DOCK3: variants seen among roughly 807,000 people sequenced by gnomAD.
The protein encoded by DOCK3 is dedicator of cytokinesis 3, also known as dedicator of cytokinesis protein 3.
In DOCK3, 60 loss-of-function variants were observed where a neutral mutation model predicts 265.6. The ratio of observed to expected loss-of-function variants is 0.23; its 90% CI spans 0.18 to 0.28. The LOEUF (loss-of-function observed/expected upper bound fraction) is 0.28. Ranked by LOEUF, DOCK3 falls within the 10% of genes least tolerant of loss-of-function variation. The pLI is 1.00. For missense variants in DOCK3, 1,981 were observed against 2,594.3 expected, an observed-to-expected ratio of 0.76 and a Z score of 5.14; for synonymous variants, 881 against 938.0, an observed-to-expected ratio of 0.94 and a Z score of 1.11.
At chr3:50,790,268 G>C (rs2042398925) in intron 2 of DOCK3, among the ~76,000 whole-genome samples, 1 of 152,084 alleles carries the variant, frequency 6.6e-6, no homozygotes, top group Non-Finnish European at 1.5e-5. Flanking sequence ...CTGCCATTCT[G>C]TATCTTTTAA....
In DOCK3 at chr3:51,090,323, AT is replaced by A. The variant is rs868458081; in HGVS notation, c.687del (p.Ile229MetfsTer14). 1 of 1,604,664 alleles carries A rather than the reference AT, an allele frequency of 6.2e-7. No individual in the cohort carries two copies. Among genetic ancestry groups the A allele is most frequent in the African/African-American group, 1.3e-5 (1 of 74,852 alleles). ...CCTGAAGAGTTTCACTTACAATACT[AT>A]TGGGGAAGATACCGATGTCTTCTTT... ...LSLKSFTYNTIGEDTDVFFSL... is the reference protein window; with the variant it reads ...LSLKSFTYNTXGEDTDVFFSL... On this transcript the variant is annotated frameshift_variant, in exon 9 of 53. Transcript: ENST00000266037. LOFTEE classifies it high-confidence loss of function.
In DOCK3 at chr3:51,374,534, C is replaced by T. The variant is rs778887520; in HGVS notation, c.5359C>T (p.Arg1787Trp). ...AATGATGTTGTTGCTGCCCACATAC[C>T]GGGACCGCCCAAGCAGTGCCATGTA... ...REMMLLLPTYRDRPSSAMYPA... is the reference protein window; with the variant it reads ...REMMLLLPTYWDRPSSAMYPA... Residue 1787 changes from arginine to tryptophan, a missense_variant, in exon 50 of 53, where the codon CGG becomes TGG. Arg to Trp is a moderately radical substitution (Grantham distance 101). Around this residue, in one of 4 missense-constraint regions of DOCK3, gnomAD observed 1,357 missense variants for 1,866.8 expected, o/e 0.73. Transcript: ENST00000266037. This position sits in a 1 kb window ranked among gnomAD's most constrained non-coding sequence, Gnocchi z 4.8. 6 of 1,613,722 alleles carry T rather than the reference C, an allele frequency of 3.7e-6. No individual in the cohort carries two copies. Among genetic ancestry groups the T allele is most frequent in the Admixed American group, 3.3e-5 (2 of 59,994 alleles).
chr3:51,130,617 G>T (rs1197839107), intron 9 of DOCK3, among the ~76,000 whole-genome samples: 1 of 152,192 alleles, frequency 6.6e-6, no homozygotes, highest in African/African-American at 2.4e-5. Flanking sequence ...GGATGTGATG[G>T]GAATCACCAC....
At chr3:51,019,694 C>T (rs1013630791) in intron 5 of DOCK3, among the ~76,000 whole-genome samples, 4 of 144,630 alleles carry the variant, frequency 2.8e-5, no homozygotes, top group Non-Finnish European at 6.0e-5. Flanking sequence ...ATGTTCTCAT[C>T]ATTCAGCTCC....
At chr3:51,267,989 T>C (rs1449710227) in intron 23 of DOCK3, among the ~76,000 whole-genome samples, 1 of 151,692 alleles carries the variant, frequency 6.6e-6, no homozygotes, top group African/African-American at 2.4e-5. Flanking sequence ...CTGGGCCTGT[T>C]GGGGGTCGGG....
intron 5 of DOCK3, among the ~76,000 whole-genome samples, chr3:51,044,795 T>A (rs542623656): frequency 1.8e-4 from 28 of 152,266 alleles, no homozygotes; most frequent in African/African-American, 6.0e-4. Context: ...ACCATCTTTC[T>A]TTAAACCTCA....
At chr3:51,271,048 G>C in intron 24 of DOCK3, 41 bp downstream of exon 24, 1 of 1,577,188 alleles carries the variant, frequency 6.3e-7, no homozygotes, top group Non-Finnish European at 8.6e-7. Flanking sequence ...CCTTCCAGGG[G>C]TGTCCTCCTT....
rs1026920732 is a variant in DOCK3 at position 51,104,535 on chromosome 3, T to A, written c.746+14151T>A. ...CTTAATATAATAATATCAGGAGAGATTGGGTTTGGACCAGTGGCAGCAGTA... is the reference window on the plus strand; with the variant it reads ...CTTAATATAATAATATCAGGAGAGAATGGGTTTGGACCAGTGGCAGCAGTA... On this transcript the variant is annotated intron_variant, in intron 9 of 52. Transcript: ENST00000266037. Among the ~76,000 whole-genome samples the A allele has an allele frequency of 1.4e-4, 22 of 152,096 alleles. 1 individual carries two copies. Among genetic ancestry groups the A allele is most frequent in the African/African-American group, 4.8e-4 (20 of 41,398 alleles).
intron 49 of DOCK3, 61 bp downstream of exon 49, chr3:51,362,735 G>A (rs1035306340): frequency 6.7e-5 from 105 of 1,574,270 alleles, no homozygotes; most frequent in Middle Eastern, 3.3e-4. Flanking sequence ...AACGCCACTC[G>A]GCTTCCTCTC....
chr3:51,239,584 T>C (rs1267469191), intron 21 of DOCK3, among the ~76,000 whole-genome samples: 1 of 151,228 alleles, frequency 6.6e-6, no homozygotes, highest in Admixed American at 6.6e-5. Context: ...GTTTTTTGTT[T>C]TTTTTGTTTT....
At chr3:51,265,414 C>T (rs1027550950) in intron 23 of DOCK3, among the ~76,000 whole-genome samples, 3 of 152,148 alleles carry the variant, frequency 2.0e-5, no homozygotes, top group Non-Finnish European at 2.9e-5. Flanking sequence ...AAATTTCAGG[C>T]CACTATCCCT....
chr3:50,954,200 A>C (rs1227750172), intron 5 of DOCK3, among the ~76,000 whole-genome samples: 1 of 152,154 alleles, frequency 6.6e-6, no homozygotes, highest in Non-Finnish European at 1.5e-5. Flanking sequence ...GAGTAGAACC[A>C]TATGGTCCTG....
At chr3:51,161,546 C>T (rs1358431951) in intron 12 of DOCK3, among the ~76,000 whole-genome samples, 2 of 152,164 alleles carry the variant, frequency 1.3e-5, no homozygotes, top group African/African-American at 4.8e-5. Flanking sequence ...ATAAGCTTCC[C>T]AGGTAATTCT....
chr3:50,853,582 T>G (rs1294600164), intron 3 of DOCK3, among the ~76,000 whole-genome samples: 1 of 152,096 alleles, frequency 6.6e-6, no homozygotes, highest in African/African-American at 2.4e-5. Flanking sequence ...TCTGTTTCTG[T>G]GTTATTTCAT....
intron 5 of DOCK3, among the ~76,000 whole-genome samples, chr3:50,976,298 C>A (rs2077449270): frequency 8.0e-6 from 1 of 124,274 alleles, no homozygotes; most frequent in South Asian, 3.4e-4. Flanking sequence ...AAATTTCCCA[C>A]TACACACTGC....
At chr3:51,316,010 A>T (rs2083342954) in intron 32 of DOCK3, among the ~76,000 whole-genome samples, 1 of 152,364 alleles carries the variant, frequency 6.6e-6, no homozygotes, top group South Asian at 2.1e-4. Flanking sequence ...ATTTATTTTT[A>T]AATTTACATA....
chr3:51,277,547 T>C, intron 25 of DOCK3, 61 bp from the exon 26 acceptor site: 1 of 1,487,542 alleles, frequency 6.7e-7, no homozygotes, highest in Non-Finnish European at 8.9e-7. Flanking sequence ...TAGTAAGTGC[T>C]GCCAGCTGTA....
At chr3:51,334,977 A>G (rs2110017355) in intron 35 of DOCK3, among the ~76,000 whole-genome samples, 1 of 152,306 alleles carries the variant, frequency 6.6e-6, no homozygotes, top group East Asian at 1.9e-4. Context: ...TCACTTCTCC[A>G]GACCAATCTT....
At chr3:50,791,995 A>G (rs1230750118) in intron 2 of DOCK3, among the ~76,000 whole-genome samples, 2 of 152,226 alleles carry the variant, frequency 1.3e-5, no homozygotes, top group Middle Eastern at 3.4e-3. Flanking sequence ...TCTGTGAAGA[A>G]TGTCATTGTA....
Sources: allele counts gnomAD v4.1 joint callset (sites outside exome capture counted in the v4.1 genomes callset), GRCh38; gene constraint gnomAD v4.1.1; regional missense constraint gnomAD v4.1.1; non-coding constraint Gnocchi (gnomAD v3.1); transcripts MANE v1.5; gene names NCBI Gene and HGNC (gene_info 2026-07-23, HGNC 2026-07-21).